The following HYLS1 variants were observed in gnomAD, a reference collection of about 807,000 sequenced individuals.
HYLS1 encodes centriolar and ciliogenesis-associated protein HYLS1.
HYLS1 carries 25 observed loss-of-function variants against 29.4 expected under a neutral mutation model. The ratio of observed to expected loss-of-function variants is 0.85; its 90% CI spans 0.62 to 1.19. The LOEUF (loss-of-function observed/expected upper bound fraction) is 1.19. Among genes scored for constraint, HYLS1 ranks in the 50% most tolerant of loss-of-function variants. HYLS1 has a pLI of 0.00. For missense variants in HYLS1, 352 were observed against 365.1 expected, an observed-to-expected ratio of 0.96 and a Z score of 0.29; for synonymous variants, 128 against 126.7, an observed-to-expected ratio of 1.01 and a Z score of -0.07.
At chr11:125,895,887 AAC>A in intron 2 of HYLS1, 1 of 1,606,420 alleles carries the variant, frequency 6.2e-7, no homozygotes, top group South Asian at 1.1e-5. Flanking sequence ...TGCTTTGAGA[AAC>A]AGTGTATTGG....
At chr11:125,896,982 A>G (rs1342167350) in intron 2 of HYLS1, among the ~76,000 whole-genome samples, 1 of 152,230 alleles carries the variant, frequency 6.6e-6, no homozygotes, top group Non-Finnish European at 1.5e-5. Flanking sequence ...GCTGAATTAA[A>G]TGCATATTTT....
chr11:125,893,893 T>G, intron 2 of HYLS1: 1 of 1,614,214 alleles, frequency 6.2e-7, no homozygotes, highest in Non-Finnish European at 8.5e-7. Context: ...TGGCTTTTGT[T>G]TCTTCCTCAT....
At chr11:125,895,469 A>G (rs1944553913) in intron 2 of HYLS1, 1 of 1,614,000 alleles carries the variant, frequency 6.2e-7, no homozygotes, top group South Asian at 1.1e-5. Context: ...AATTAATCAC[A>G]CCGTTGGCTA....
At position 125,894,032 on chromosome 11, in the gene HYLS1, C is replaced by G. The variant is rs374214672; in HGVS notation, c.-26+2560C>G. 3 of 1,614,192 alleles carry G rather than the reference C, an allele frequency of 1.9e-6. No individual in the cohort carries two copies. The Admixed American group carries it at 5.0e-5, about 27-fold the overall frequency. ...CATCTTCACTCCTTCTACAAAGGCACTGGTCTGCTTTATGACAGAGGGCTT... is the reference window on the plus strand; with the variant it reads ...CATCTTCACTCCTTCTACAAAGGCAGTGGTCTGCTTTATGACAGAGGGCTT... On this transcript the variant is annotated intron_variant, in intron 2 of 2. Transcript: ENST00000425380.
chr11:125,892,408 T>C (rs1436843357), intron 2 of HYLS1, among the ~76,000 whole-genome samples: 2 of 152,234 alleles, frequency 1.3e-5, no homozygotes, highest in East Asian at 3.8e-4. Context: ...TTAAGACAAC[T>C]CTGAGTTCTT....
intron 2 of HYLS1, chr11:125,896,187 G>A (rs776983732): frequency 1.2e-6 from 2 of 1,614,038 alleles, no homozygotes; most frequent in Non-Finnish European, 1.7e-6. Context: ...CTTATTTTTG[G>A]CCTGTTCCTT....
chr11:125,885,623 T>C (rs77972985), upstream of HYLS1, among the ~76,000 whole-genome samples: 7,509 of 152,284 alleles, frequency 0.049, 244 homozygotes, highest in South Asian at 0.086. Flanking sequence ...CCTGAGCATA[T>C]TAAATTTGCT....
Position 125,900,332 on chromosome 11 carries a change from A to T in HYLS1, c.*64A>T. On this transcript the variant is annotated 3_prime_UTR_variant, in exon 3 of 3. Transcript: ENST00000425380. ...CCTAGCTCTTTATATCTTCCCTTTTAAATAGAAACAACTGTCTTGAGAAGC... is the reference window on the plus strand; with the variant it reads ...CCTAGCTCTTTATATCTTCCCTTTTTAATAGAAACAACTGTCTTGAGAAGC... The T allele has an allele frequency of 2.0e-6, 3 of 1,476,952 alleles. No individual in the cohort carries two copies. The highest frequency in any genetic ancestry group is 9.4e-7 in the Non-Finnish European group (1 of 1,058,306). The allele number at this position is 1,476,952 out of a possible 1,614,324, so 91.5% of individuals were successfully genotyped here.
At chr11:125,896,727 G>A (rs1303678775) in intron 2 of HYLS1, among the ~76,000 whole-genome samples, 2 of 151,936 alleles carry the variant, frequency 1.3e-5, no homozygotes, top group African/African-American at 4.8e-5. Flanking sequence ...TCTTTATATG[G>A]GCTACTTTTA....
intron 2 of HYLS1, 32 bp from the exon 3 acceptor site, chr11:125,899,312 A>G: frequency 2.0e-6 from 3 of 1,502,938 alleles, no homozygotes; most frequent in Non-Finnish European, 2.8e-6. Flanking sequence ...GGAATTTATT[A>G]TCAGAAAACT....
intron 1 of HYLS1, among the ~76,000 whole-genome samples, chr11:125,889,216 T>G (rs888890409): frequency 2.6e-5 from 4 of 152,236 alleles, no homozygotes; most frequent in African/African-American, 9.6e-5. Context: ...TTTTAATGGA[T>G]GCGTGGCGTT....
At chr11:125,897,298 A>G (rs1479193753) in intron 2 of HYLS1, among the ~76,000 whole-genome samples, 1 of 152,178 alleles carries the variant, frequency 6.6e-6, no homozygotes, top group East Asian at 1.9e-4. Context: ...AGAAGAAAAC[A>G]TGGAATGACT....
chr11:125,886,033 TAATAGA>T (rs146321999), upstream of HYLS1, among the ~76,000 whole-genome samples: 3,633 of 152,254 alleles, frequency 0.024, 116 homozygotes, highest in African/African-American at 0.081. Context: ...TACAATATAA[TAATAGA>T]AATAAAGTGC....
At chr11:125,897,192 G>A (rs997395767) in intron 2 of HYLS1, among the ~76,000 whole-genome samples, 25 of 152,130 alleles carry the variant, frequency 1.6e-4, no homozygotes, top group African/African-American at 6.0e-4. Context: ...CTAAGGCCAT[G>A]TTATCTAAGT....
rs1343222386 is a variant in HYLS1 at position 125,900,237 on chromosome 11, G to A, written c.869G>A (p.Arg290Lys). The A allele has an allele frequency of 1.9e-6, 3 of 1,614,062 alleles. No homozygotes were observed. In the African/African-American group the frequency reaches 4.0e-5, roughly 22 times the overall value. Reference protein sequence around the residue: ...RCDLANGVIPRKLPFPLSPS With the variant: ...RCDLANGVIPKKLPFPLSPS Reference sequence around the variant, plus strand: ...GACCTTGCAAATGGTGTCATACCCAGGAAGCTTCCCTTCCCTCTTTCTCCT... The same window carrying A: ...GACCTTGCAAATGGTGTCATACCCAAGAAGCTTCCCTTCCCTCTTTCTCCT... The change falls in exon 3 of 3, where the codon AGG becomes AAG. Residue 290 changes from arginine (R) to lysine (K), a missense_variant. By Grantham distance (26) the Arg-to-Lys change is conservative (BLOSUM62 2). Transcript: ENST00000425380.
intron 2 of HYLS1, chr11:125,894,041 T>G: frequency 1.2e-6 from 2 of 1,614,220 alleles, no homozygotes; most frequent in Non-Finnish European, 1.7e-6. Context: ...ACTGGTCTGC[T>G]TTATGACAGA....
rs1364671743 is a variant in HYLS1, at chr11:125,895,415, C to G, written c.-25-3929C>G. The stretch of plus-strand genomic sequence containing the variant: ...CTTGCCATCTCCCCTCACCTGGGCT[C>G]TGGCCCACTAGCTGTACTTGAGCAG... On this transcript the variant is annotated intron_variant, in intron 2 of 2. Coordinates refer to ENST00000425380, the MANE Select transcript of HYLS1 (RefSeq NM_001134793.2). 3.1e-6 allele frequency: 5 copies of G among 1,613,970 alleles called. No homozygotes were observed. In the African/African-American group the frequency reaches 4.0e-5, roughly 13 times the overall value.
At position 125,900,208 on chromosome 11, in the gene HYLS1, T is replaced by C. The variant is rs1447672554; in HGVS notation, c.840T>C (p.Arg280=). The change falls in exon 3 of 3, where the codon CGT becomes CGC. Residue 280 remains arginine, a synonymous_variant. Coordinates refer to ENST00000425380, the MANE Select transcript of HYLS1 (RefSeq NM_001134793.2). Reference sequence around the variant, plus strand: ...GGTCTGCACTCCGTTGGGGTGTTCGTTGTGACCTTGCAAATGGTGTCATAC... The same window carrying C: ...GGTCTGCACTCCGTTGGGGTGTTCGCTGTGACCTTGCAAATGGTGTCATAC... ...KKRSALRWGV[R]CDLANGVIPR... The C allele has an allele frequency of 1.2e-6, 2 of 1,614,118 alleles. No individual in the cohort carries two copies. Among genetic ancestry groups the C allele is most frequent in the Non-Finnish European group, 1.7e-6 (2 of 1,180,050 alleles).
intron 1 of HYLS1, among the ~76,000 whole-genome samples, chr11:125,889,327 G>T (rs1184192468): frequency 6.6e-6 from 1 of 152,096 alleles, no homozygotes; most frequent in African/African-American, 2.4e-5. Flanking sequence ...TATGGTAGTG[G>T]TCACTTGTAT....
Sources: gnomAD v4.1 joint callset for allele counts (sites outside exome capture counted in the v4.1 genomes callset) on GRCh38, gnomAD v4.1.1 for gene constraint, MANE v1.5 for transcripts, NCBI Gene and HGNC (gene_info 2026-07-23, HGNC 2026-07-21) for gene names.